RAC1: variants seen among roughly 807,000 people sequenced by gnomAD.
RAC1 encodes the protein Rac family small GTPase 1.
A neutral mutation model predicts 25.2 loss-of-function variants in RAC1; 2 were observed. That is an observed-to-expected ratio of 0.08 (90% confidence interval 0.03 to 0.25). RAC1 has a LOEUF of 0.25. Among genes scored for constraint, RAC1 ranks in the 10% least tolerant of loss-of-function variants. The pLI is 1.00. For missense variants in RAC1, 50 were observed against 235.7 expected, an observed-to-expected ratio of 0.21 and a Z score of 5.16; for synonymous variants, 88 against 94.0, an observed-to-expected ratio of 0.94 and a Z score of 0.37.
chr7:6,384,964 C>G (rs1421667494), intron 1 of RAC1, among the ~76,000 whole-genome samples: 3 of 151,870 alleles, frequency 2.0e-5, no homozygotes, highest in African/African-American at 7.3e-5. Flanking sequence ...CACCGCCACA[C>G]CCACCTAATT....
At chr7:6,400,432 C>T (rs769732641) in intron 4 of RAC1, among the ~76,000 whole-genome samples, 1 of 151,700 alleles carries the variant, frequency 6.6e-6, no homozygotes, top group Non-Finnish European at 1.5e-5. Flanking sequence ...TGGGCTCAAA[C>T]AGTTCTCCTG....
intron 1 of RAC1, among the ~76,000 whole-genome samples, chr7:6,383,280 C>T (rs1283382873): frequency 6.6e-6 from 1 of 152,168 alleles, no homozygotes; most frequent in Non-Finnish European, 1.5e-5. Context: ...TGTGGAAGCG[C>T]AGCGTGGACA....
intron 3 of RAC1, among the ~76,000 whole-genome samples, chr7:6,397,097 T>C (rs1185174007): frequency 2.4e-5 from 3 of 123,910 alleles, no homozygotes; most frequent in African/African-American, 9.2e-5. Flanking sequence ...AAAATTTAGC[T>C]GGGCGCAGTG....
rs769952086 is a variant in RAC1 at position 6,391,884 on chromosome 7, T to C, written c.108-40T>C. ...AGGATGGCTGGGACAGTGACTTAGC[T>C]TCTACACCTGTGACTAACCATTTTC... On this transcript the variant is annotated intron_variant, in intron 2 of 5. Coordinates refer to ENST00000348035, the MANE Select transcript of RAC1 (RefSeq NM_006908.5). 5.6e-6 allele frequency: 9 copies of C among 1,613,644 alleles called. No individual in the cohort carries two copies. In the Admixed American group the frequency reaches 1.5e-4, roughly 27 times the overall value.
intron 1 of RAC1, among the ~76,000 whole-genome samples, chr7:6,386,968 G>C (rs917700936): frequency 1.3e-5 from 2 of 151,440 alleles, no homozygotes; most frequent in African/African-American, 2.4e-5. Context: ...CTAACACCGG[G>C]TACCTAAACA....
chr7:6,384,848 A>G (rs887912631), intron 1 of RAC1, among the ~76,000 whole-genome samples: 5 of 152,030 alleles, frequency 3.3e-5, no homozygotes, highest in Non-Finnish European at 7.4e-5. Context: ...TGTCCCTCAG[A>G]CTGGATGCAC....
chr7:6,383,671 A>C (rs979844118), intron 1 of RAC1, among the ~76,000 whole-genome samples: 2 of 152,036 alleles, frequency 1.3e-5, no homozygotes, highest in Non-Finnish European at 2.9e-5. Context: ...GACTTAGGAC[A>C]GAATAGTAAA....
At chr7:6,401,819 A>T (rs1783411524) in intron 4 of RAC1, 49 bp from the exon 5 acceptor site, 1 of 1,562,732 alleles carries the variant, frequency 6.4e-7, no homozygotes, top group Non-Finnish European at 8.7e-7. Context: ...TAGGTGAAGG[A>T]CATCTGTAAA....
chr7:6,376,357 A>G (rs1419049812), intron 1 of RAC1, among the ~76,000 whole-genome samples: 4 of 147,592 alleles, frequency 2.7e-5, no homozygotes, highest in East Asian at 4.1e-4. Context: ...TAATTTTTGT[A>G]TTTTTTAGTA....
intron 1 of RAC1, among the ~76,000 whole-genome samples, chr7:6,379,679 G>T (rs1447579686): frequency 6.6e-6 from 1 of 152,154 alleles, no homozygotes; most frequent in East Asian, 1.9e-4. Context: ...CAAAGTGCTG[G>T]GATTATGGGC....
chr7:6,393,609 G>T (rs1783150298), intron 3 of RAC1, among the ~76,000 whole-genome samples: 1 of 152,198 alleles, frequency 6.6e-6, no homozygotes, highest in Non-Finnish European at 1.5e-5. Flanking sequence ...TATCAAAGTA[G>T]GTGTTGTCCT....
chr7:6,402,536 A>AAAAAAAAAC lies in RAC1; in HGVS notation c.*91_*92insAAAAAAACA. The AAAAAAAAAC allele has an allele frequency of 9.5e-6, 9 of 947,904 alleles. No individual in the cohort carries two copies. The highest frequency in any genetic ancestry group is 4.1e-4 in the Middle Eastern group (1 of 2,440). 58.7% of individuals were successfully genotyped at this position (947,904 alleles called of 1,614,324 possible). ...ACAAAAAAAAAAAACAAAAAAAAAAAACAACGGTGGAGCCTTCGCACTCAA... is the reference window on the plus strand; with the variant it reads ...ACAAAAAAAAAAAACAAAAAAAAAAAAAAAAAAACACAACGGTGGAGCCTTCGCACTCAA... On this transcript the variant is annotated 3_prime_UTR_variant, in exon 6 of 6. Transcript: ENST00000348035.
intron 1 of RAC1, among the ~76,000 whole-genome samples, chr7:6,386,191 C>G (rs367793379): frequency 6.6e-6 from 1 of 152,274 alleles, no homozygotes; most frequent in Non-Finnish European, 1.5e-5. Flanking sequence ...TAACTCCCAT[C>G]GTCTCTGAGC....
At chr7:6,389,455 C>T (rs1187796657) in intron 2 of RAC1, among the ~76,000 whole-genome samples, 2 of 151,266 alleles carry the variant, frequency 1.3e-5, no homozygotes, top group African/African-American at 4.9e-5. Flanking sequence ...CTGAGCTGGG[C>T]GGATCACTGA....
chr7:6,377,587 C>G (rs1434960615), intron 1 of RAC1, among the ~76,000 whole-genome samples: 1 of 151,136 alleles, frequency 6.6e-6, no homozygotes, highest in Non-Finnish European at 1.5e-5. Flanking sequence ...AGAGTGAGAC[C>G]TTGTCTCAAA....
intron 3 of RAC1, among the ~76,000 whole-genome samples, chr7:6,398,488 G>A (rs897754109): frequency 6.6e-6 from 1 of 152,208 alleles, no homozygotes; most frequent in East Asian, 1.9e-4. Flanking sequence ...ACCAGGTAGC[G>A]TGGAGTGTTT....
intron 1 of RAC1, among the ~76,000 whole-genome samples, chr7:6,382,214 C>G (rs767247788): frequency 6.6e-6 from 1 of 152,094 alleles, no homozygotes. Context: ...AGTCTGGTCT[C>G]GAACTCCTGG....
At chr7:6,394,527 C>T (rs1057248127) in intron 3 of RAC1, among the ~76,000 whole-genome samples, 1 of 152,132 alleles carries the variant, frequency 6.6e-6, no homozygotes, top group East Asian at 1.9e-4. Flanking sequence ...AGTGACCTGT[C>T]AGTGTCACAG....
intron 1 of RAC1, 49 bp from the exon 2 acceptor site, chr7:6,387,163 A>G (rs1227353960): frequency 8.5e-7 from 1 of 1,174,942 alleles, no homozygotes. Flanking sequence ...AGTGAAAGCT[A>G]AGATTACATT....
Sources: allele counts gnomAD v4.1 joint callset (sites outside exome capture counted in the v4.1 genomes callset), GRCh38; gene constraint gnomAD v4.1.1; transcripts MANE v1.5; gene names NCBI Gene and HGNC (gene_info 2026-07-23, HGNC 2026-07-21).